PTPRD: variants seen among roughly 807,000 people sequenced by gnomAD.
PTPRD encodes protein tyrosine phosphatase receptor type D, also known as receptor-type tyrosine-protein phosphatase delta.
In PTPRD, 34 loss-of-function variants were observed where a neutral mutation model predicts 214.5. The ratio of observed to expected loss-of-function variants is 0.16; its 90% CI spans 0.12 to 0.21. The LOEUF is 0.21. Among genes scored for constraint, PTPRD ranks in the 10% least tolerant of loss-of-function variants. PTPRD has a pLI of 1.00. For synonymous variants in PTPRD, 1,128 were observed against 845.7 expected (o/e 1.33, Z -5.79); for missense variants, 2,545 against 2,398.7 (o/e 1.06, Z -1.27).
At chr9:8,499,138 T>A (rs1336425873) in intron 25 of PTPRD, among the ~76,000 whole-genome samples, 1 of 152,136 alleles carries the variant, frequency 6.6e-6, no homozygotes, top group Non-Finnish European at 1.5e-5. Flanking sequence ...CATGAAACAA[T>A]GAGTTTCATC....
chr9:10,206,866 G>C (rs763993648), intron 3 of PTPRD, among the ~76,000 whole-genome samples: 1 of 152,030 alleles, frequency 6.6e-6, no homozygotes, highest in African/African-American at 2.4e-5. Flanking sequence ...GTGTAACTCA[G>C]ACTAGAAACC....
At chr9:9,600,087 C>T (rs528894193) in intron 7 of PTPRD, among the ~76,000 whole-genome samples, 51 of 152,038 alleles carry the variant, frequency 3.4e-4, no homozygotes, top group Non-Finnish European at 5.9e-4. Flanking sequence ...TATCTGAGGA[C>T]TGATCTTATG....
At chr9:9,226,142 T>C (rs551290997) in intron 9 of PTPRD, among the ~76,000 whole-genome samples, 1 of 151,954 alleles carries the variant, frequency 6.6e-6, no homozygotes, top group Admixed American at 6.6e-5. Context: ...TTATATGAGA[T>C]AGGTAAAGTG....
intron 2 of PTPRD, among the ~76,000 whole-genome samples, chr9:10,467,303 G>C (rs1407915365): frequency 3.3e-5 from 5 of 152,174 alleles, no homozygotes; most frequent in African/African-American, 4.8e-5. Flanking sequence ...TTAAGAATCT[G>C]TAACAATTTG....
At chr9:9,745,606 C>T (rs896870107) in intron 6 of PTPRD, among the ~76,000 whole-genome samples, 2 of 152,078 alleles carry the variant, frequency 1.3e-5, no homozygotes, top group African/African-American at 4.8e-5. Flanking sequence ...CTATTTCATT[C>T]CCTTGTACAA....
intron 2 of PTPRD, among the ~76,000 whole-genome samples, chr9:10,512,431 G>C (rs73394397): frequency 0.016 from 2,445 of 152,146 alleles, 72 homozygotes; most frequent in African/African-American, 0.056. Context: ...AATGCTAATG[G>C]AAAGGGCCGG....
intron 3 of PTPRD, among the ~76,000 whole-genome samples, chr9:10,269,980 C>T (rs1043319360): frequency 2.0e-5 from 3 of 151,850 alleles, no homozygotes; most frequent in African/African-American, 7.2e-5. Context: ...GAATAAAATA[C>T]TAAATGTAAG....
chr9:9,682,705 T>C (rs1242733898), intron 7 of PTPRD, among the ~76,000 whole-genome samples: 1 of 151,758 alleles, frequency 6.6e-6, no homozygotes, highest in Non-Finnish European at 1.5e-5. Context: ...GGAAATTGTC[T>C]GGAGGCCAAC....
At chr9:8,401,577 A>AT (rs2092401864) in intron 36 of PTPRD, among the ~76,000 whole-genome samples, 1 of 152,156 alleles carries the variant, frequency 6.6e-6, no homozygotes. Context: ...AATGACTGTG[A>AT]TTTGGAAAGA....
chr9:9,938,462 T>C (rs1273805235), intron 5 of PTPRD, 45 bp downstream of exon 5: 2 of 152,116 alleles, frequency 1.3e-5, no homozygotes, highest in South Asian at 2.1e-4. Flanking sequence ...AAAATACACA[T>C]CTTGTGTCAT....
At chr9:9,809,264 ATTT>A (rs58701533) in intron 5 of PTPRD, among the ~76,000 whole-genome samples, 8 of 118,192 alleles carry the variant, frequency 6.8e-5, no homozygotes, top group Admixed American at 5.9e-4. Flanking sequence ...GCCACAAGAG[ATTT>A]TTTTTTTTTT....
rs116056037 is a variant in PTPRD at position 9,984,169 on chromosome 9, A to G, written c.-471-45559T>C. Among the ~76,000 whole-genome samples the G allele has an allele frequency of 2.5e-3, 375 of 152,318 alleles. 2 individuals carry two copies. The highest frequency in any genetic ancestry group is 8.6e-3 in the African/African-American group (358 of 41,582). ...AATAAAATAGCATTCATTAATAATT[A>G]AACTGCAAACTAAAGATTATTACAT... On this transcript the variant is annotated intron_variant, in intron 4 of 45. Coordinates refer to ENST00000381196, the MANE Select transcript of PTPRD (RefSeq NM_002839.4).
intron 9 of PTPRD, among the ~76,000 whole-genome samples, chr9:9,325,259 T>A (rs1299575556): frequency 6.6e-6 from 1 of 152,190 alleles, no homozygotes; most frequent in Non-Finnish European, 1.5e-5. Context: ...GGGGATGGCA[T>A]TGAATGTATA....
intron 2 of PTPRD, among the ~76,000 whole-genome samples, chr9:10,456,865 GC>G (rs969154263): frequency 1.3e-4 from 20 of 151,934 alleles, no homozygotes; most frequent in African/African-American, 4.3e-4. Context: ...TATATAGGCT[GC>G]CCCCAATTCA....
intron 7 of PTPRD, among the ~76,000 whole-genome samples, chr9:9,712,736 T>C (rs1333858036): frequency 6.6e-6 from 1 of 152,336 alleles, no homozygotes; most frequent in East Asian, 1.9e-4. Context: ...ATGCAGATTT[T>C]CTTGCTTCAT....
At chr9:10,316,499 G>C (rs2096437116) in intron 3 of PTPRD, among the ~76,000 whole-genome samples, 1 of 151,692 alleles carries the variant, frequency 6.6e-6, no homozygotes, top group African/African-American at 2.4e-5. Context: ...ATAAATAACA[G>C]AAAACAAAAA....
intron 10 of PTPRD, among the ~76,000 whole-genome samples, chr9:9,170,276 G>A (rs1200776916): frequency 6.6e-6 from 1 of 152,118 alleles, no homozygotes. Flanking sequence ...GTTCATTAGA[G>A]TTCTTGTTCA....
chr9:8,451,121 A>G (rs2095927694), intron 33 of PTPRD, among the ~76,000 whole-genome samples: 1 of 152,198 alleles, frequency 6.6e-6, no homozygotes, highest in South Asian at 2.1e-4. Flanking sequence ...ATCTGTATAA[A>G]ATAAAACTAA....
intron 4 of PTPRD, among the ~76,000 whole-genome samples, chr9:9,954,969 C>T (rs2093783969): frequency 6.6e-6 from 1 of 152,136 alleles, no homozygotes; most frequent in South Asian, 2.1e-4. Context: ...CATTTCAGCT[C>T]ACTTTATAAA....
Sources: gnomAD v4.1 joint callset for allele counts (sites outside exome capture counted in the v4.1 genomes callset) on GRCh38, gnomAD v4.1.1 for gene constraint, MANE v1.5 for transcripts, NCBI Gene and HGNC (gene_info 2026-07-23, HGNC 2026-07-21) for gene names.